The following ASH2L variants were observed in gnomAD, a reference collection of about 807,000 sequenced individuals.
The protein encoded by ASH2L is ASH2 like, histone lysine methyltransferase complex subunit, also known as set1/Ash2 histone methyltransferase complex subunit ASH2.
ASH2L carries 30 observed loss-of-function variants against 81.1 expected under a neutral mutation model. The ratio of observed to expected loss-of-function variants is 0.37; its 90% CI spans 0.28 to 0.50. The LOEUF is 0.50. ASH2L is among the 20% of genes least tolerant of loss of function. The probability of loss-of-function intolerance (pLI) is 0.95; values close to 1 mark genes in which losing one functional copy is unlikely to be tolerated. For missense variants in ASH2L, 559 were observed against 792.1 expected, an observed-to-expected ratio of 0.71 and a Z score of 3.53; for synonymous variants, 273 against 279.9, an observed-to-expected ratio of 0.98 and a Z score of 0.24.
intron 3 of ASH2L, among the ~76,000 whole-genome samples, chr8:38,108,319 A>G (rs1810539130): frequency 6.6e-6 from 1 of 152,198 alleles, no homozygotes; most frequent in East Asian, 1.9e-4. Flanking sequence ...GAGGCCTAAG[A>G]TAGGGCCACT....
rs543921116 is a variant in ASH2L at position 38,137,051 on chromosome 8, C to T, written c.1719+1285C>T. On this transcript the variant is annotated intron_variant, in intron 14 of 15. Transcript: ENST00000343823. ...GAGGCTGCAGTGAGCCAAGATTACACCACTGCCCTCCAGCCTGGGCAATAG... is the reference window on the plus strand; with the variant it reads ...GAGGCTGCAGTGAGCCAAGATTACATCACTGCCCTCCAGCCTGGGCAATAG... 6.7e-3 allele frequency among the ~76,000 whole-genome samples: 1,012 copies of T among 151,540 alleles called. 8 individuals are homozygous for T. Among genetic ancestry groups the T allele is most frequent in the Non-Finnish European group, 8.5e-3 (579 of 67,866 alleles).
chr8:38,135,605 A>G (rs1431718597), intron 13 of ASH2L, 63 bp from the exon 14 acceptor site: 16 of 1,228,738 alleles, frequency 1.3e-5, no homozygotes, highest in Non-Finnish European at 1.6e-5. Context: ...ATTTTCCTAG[A>G]GAGTTCTTTT....
rs766949637 is a variant in ASH2L at position 38,110,869 on chromosome 8, A to G, written c.585+36A>G. The G allele has an allele frequency of 3.2e-6, 5 of 1,558,406 alleles. No homozygotes were observed. In the African/African-American group the frequency reaches 5.4e-5, roughly 17 times the overall value. The stretch of plus-strand genomic sequence containing the variant: ...AACTAATGTGATTGCAGTTATATTG[A>G]AGAGTTAGGTGGAACTTCTAAATAT... On this transcript the variant is annotated intron_variant, in intron 5 of 15. Coordinates refer to ENST00000343823, the MANE Select transcript of ASH2L (RefSeq NM_004674.5).
At chr8:38,108,905 C>T (rs1389320714) in intron 3 of ASH2L, among the ~76,000 whole-genome samples, 1 of 152,078 alleles carries the variant, frequency 6.6e-6, no homozygotes, top group Non-Finnish European at 1.5e-5. Flanking sequence ...CATAGTGAGA[C>T]CCTGTCTCTA....
intron 10 of ASH2L, among the ~76,000 whole-genome samples, chr8:38,126,944 G>A (rs1342687761): frequency 6.6e-6 from 1 of 152,006 alleles, no homozygotes; most frequent in African/African-American, 2.4e-5. Flanking sequence ...GGGAGGCCAA[G>A]GAGAGCAGAT....
At position 38,139,865 on chromosome 8, in the gene ASH2L, C is replaced by G. The variant is rs1467178375; in HGVS notation, c.*794C>G. 6.6e-6 allele frequency: 1 copy of G among 152,080 alleles called. No homozygotes were observed. The highest frequency in any genetic ancestry group is 1.5e-5 in the Non-Finnish European group (1 of 68,030). The allele number at this position is 152,080 out of a possible 1,614,324, so 9.4% of individuals were successfully genotyped here. A position where few individuals can be genotyped will look rare whatever the true frequency, so the allele number is the denominator to read the frequency against. ...TCCCATTCTTGCCAATCAGCCACCC[C>G]CTTTCCTGTGAAAATCTGCCACCTT... On this transcript the variant is annotated 3_prime_UTR_variant, in exon 16 of 16. Coordinates refer to ENST00000343823, the MANE Select transcript of ASH2L (RefSeq NM_004674.5).
At chr8:38,112,504 C>T (rs187244670) in intron 5 of ASH2L, among the ~76,000 whole-genome samples, 1 of 152,070 alleles carries the variant, frequency 6.6e-6, no homozygotes, top group East Asian at 1.9e-4. Flanking sequence ...CTCAAGCAAT[C>T]TACCAGCCTT....
chr8:38,105,807 G>C (rs1437685698), intron 1 of ASH2L, 69 bp downstream of exon 1: 2 of 1,483,066 alleles, frequency 1.3e-6, no homozygotes, highest in African/African-American at 2.9e-5. Context: ...CGCGGCTCCT[G>C]GAGCCCTGCC....
At chr8:38,132,046 G>A (rs1261614209) in intron 12 of ASH2L, among the ~76,000 whole-genome samples, 4 of 152,068 alleles carry the variant, frequency 2.6e-5, no homozygotes, top group African/African-American at 9.7e-5. Context: ...ACGGGGTTGC[G>A]CCATGTTGGC....
At position 38,121,165 on chromosome 8, in the gene ASH2L, G is replaced by A. The variant is rs769810871; in HGVS notation, c.1165+16G>A. 1 of 1,605,470 alleles carries A rather than the reference G, an allele frequency of 6.2e-7. No individual in the cohort carries two copies. The highest frequency in any genetic ancestry group is 1.3e-5 in the African/African-American group (1 of 74,480). Reference sequence around the variant, plus strand: ...CATGATCGAGGTATGTAAAGTATTGGAGATCATATGGATGCAGGGTTACTT... The same window carrying A: ...CATGATCGAGGTATGTAAAGTATTGAAGATCATATGGATGCAGGGTTACTT... On this transcript the variant is annotated intron_variant, in intron 10 of 15. Transcript: ENST00000343823.
chr8:38,131,822 T>G (rs1479492345), intron 12 of ASH2L, among the ~76,000 whole-genome samples: 1 of 151,484 alleles, frequency 6.6e-6, no homozygotes, highest in Non-Finnish European at 1.5e-5. Context: ...TATGGCTTTT[T>G]GGGCTTTTTT....
Position 38,105,724 on chromosome 8 carries a change from G to A in ASH2L, c.174G>A (p.Gly58=), listed in dbSNP as rs1359714546. The change falls in exon 1 of 16, where the codon GGG becomes GGA. Residue 58 remains glycine (G), a synonymous_variant. Coordinates refer to ENST00000343823, the MANE Select transcript of ASH2L (RefSeq NM_004674.5). The part of the protein sequence containing the change: ...SAAPTVEPSS[G]EAEGGEANLV... ...CTCCGACAGTTGAGCCCAGTTCCGG[G>A]GAGGCTGAAGGCGGGTAAGAGGTCC... 3 of 1,526,710 alleles carry A rather than the reference G, an allele frequency of 2.0e-6. No individual in the cohort carries two copies. The African/African-American group carries it at 4.2e-5, about 22-fold the overall frequency. The allele number at this position is 1,526,710 out of a possible 1,614,324, so 94.6% of individuals were successfully genotyped here.
chr8:38,133,562 A>G lies in ASH2L; in HGVS notation c.1620+16A>G. On this transcript the variant is annotated intron_variant, in intron 13 of 15. Coordinates refer to ENST00000343823, the MANE Select transcript of ASH2L (RefSeq NM_004674.5). ...CCATAGTGAGGTGAGTCATGGCCAT[A>G]AGAACATTAGAATCATAAGGCCTTG... 3 of 1,573,256 alleles carry G rather than the reference A, an allele frequency of 1.9e-6. No homozygotes were observed. The highest frequency in any genetic ancestry group is 2.6e-6 in the Non-Finnish European group (3 of 1,156,058).
intron 14 of ASH2L, among the ~76,000 whole-genome samples, chr8:38,136,387 T>TA (rs1585613391): frequency 6.6e-6 from 1 of 151,090 alleles, no homozygotes; most frequent in East Asian, 1.9e-4. Flanking sequence ...TTTTTTTTTT[T>TA]TTAAATATGA....
At chr8:38,110,316 A>G (rs955650090) in intron 3 of ASH2L, 63 bp from the exon 4 acceptor site, 1 of 1,323,420 alleles carries the variant, frequency 7.6e-7, no homozygotes, top group Non-Finnish European at 1.1e-6. Context: ...TGTCTTTAAA[A>G]AAAGAAAAAG....
At chr8:38,112,223 T>C (rs1810713400) in intron 5 of ASH2L, among the ~76,000 whole-genome samples, 1 of 152,172 alleles carries the variant, frequency 6.6e-6, no homozygotes, top group African/African-American at 2.4e-5. Flanking sequence ...GGTTTCGACC[T>C]CCTGGGTTCA....
chr8:38,130,295 T>G (rs981737503), intron 12 of ASH2L, among the ~76,000 whole-genome samples: 6 of 149,884 alleles, frequency 4.0e-5, no homozygotes, highest in African/African-American at 9.8e-5. Flanking sequence ...TTTGTTTTTT[T>G]TTTTTTTTCC....
At chr8:38,121,420 C>G (rs1811147002) in intron 10 of ASH2L, among the ~76,000 whole-genome samples, 1 of 141,880 alleles carries the variant, frequency 7.0e-6, no homozygotes, top group African/African-American at 2.6e-5. Context: ...TTTAAACTTG[C>G]AGTAAAGTTG....
chr8:38,125,928 G>C (rs1801827153), intron 10 of ASH2L, among the ~76,000 whole-genome samples: 1 of 152,108 alleles, frequency 6.6e-6, no homozygotes, highest in South Asian at 2.1e-4. Flanking sequence ...GCCAGGCCGG[G>C]CATGGTGGCT....
Sources: allele counts gnomAD v4.1 joint callset (sites outside exome capture counted in the v4.1 genomes callset), GRCh38; gene constraint gnomAD v4.1.1; transcripts MANE v1.5; gene names NCBI Gene and HGNC (gene_info 2026-07-23, HGNC 2026-07-21).